The following FAF2 variants were observed in gnomAD, a reference collection of about 807,000 sequenced individuals.
FAF2 encodes FAS-associated factor 2.
A neutral mutation model predicts 62.3 loss-of-function variants in FAF2; 9 were observed. That is an observed-to-expected ratio of 0.14 (90% CI 0.09 to 0.25). The LOEUF (loss-of-function observed/expected upper bound fraction) is 0.25. Among genes scored for constraint, FAF2 ranks in the 10% least tolerant of loss-of-function variants. The pLI is 1.00. For synonymous variants in FAF2, 202 were observed against 198.0 expected, an observed-to-expected ratio of 1.02 and a Z score of -0.17; for missense variants, 368 against 556.2, an observed-to-expected ratio of 0.66 and a Z score of 3.40.
intron 1 of FAF2, among the ~76,000 whole-genome samples, chr5:176,458,639 C>T (rs2335803): frequency 0.5 from 75,634 of 151,410 alleles, 19,008 homozygotes; most frequent in Non-Finnish European, 0.53. Flanking sequence ...CTCCTGACCT[C>T]GTGATCTGCC....
chr5:176,488,848 A>G lies in FAF2; in HGVS notation c.268-103A>G, dbSNP rs957705835. The stretch of plus-strand genomic sequence containing the variant: ...AAGGAACTGTACTTTAGAGGAACAA[A>G]TCACATGGAAGGACCAAAAAGAGTG... On this transcript the variant is annotated intron_variant, in intron 3 of 10. Transcript: ENST00000261942. The G allele has an allele frequency of 3.7e-5, 32 of 869,972 alleles. 1 individual carries two copies. The highest frequency in any genetic ancestry group is 6.1e-5 in the Non-Finnish European group (32 of 527,010). 53.9% of individuals were successfully genotyped at this position (869,972 alleles called of 1,614,324 possible).
At chr5:176,490,371 G>C (rs1234736719) in intron 4 of FAF2, among the ~76,000 whole-genome samples, 1 of 152,012 alleles carries the variant, frequency 6.6e-6, no homozygotes, top group Admixed American at 6.6e-5. Context: ...AGCATGTCAG[G>C]CTTGGGTTAT....
intron 10 of FAF2, among the ~76,000 whole-genome samples, chr5:176,502,462 C>G (rs1214160603): frequency 1.3e-5 from 2 of 152,054 alleles, no homozygotes; most frequent in Non-Finnish European, 2.9e-5. Flanking sequence ...TGCCTGTAAT[C>G]TCAGCGACTT....
Position 176,508,728 on chromosome 5 carries a change from C to T in FAF2, c.*1778C>T, listed in dbSNP as rs2913904. 0.83 allele frequency: 126,470 copies of T among 152,164 alleles called. 52,708 individuals carry two copies. The highest frequency in any genetic ancestry group is 0.91 in the African/African-American group (37,736 of 41,538). 9.4% of individuals were successfully genotyped at this position (152,164 alleles called of 1,614,324 possible). A position where few individuals can be genotyped will look rare whatever the true frequency, so the allele number is the denominator to read the frequency against. ...GATGAGTGGAATCACCATCTGACTGCTGTCAATAAAATGTATCTGGCGTGA... is the reference window on the plus strand; with the variant it reads ...GATGAGTGGAATCACCATCTGACTGTTGTCAATAAAATGTATCTGGCGTGA... On this transcript the variant is annotated 3_prime_UTR_variant, in exon 11 of 11. Coordinates refer to ENST00000261942, the MANE Select transcript of FAF2 (RefSeq NM_014613.3).
At position 176,464,672 on chromosome 5, in the gene FAF2, C is replaced by T. The variant is rs569345917; in HGVS notation, c.64-14516C>T. ...CATGCCCGGCTAATGTTTTTATTTT[C>T]TGTAGAGATGGGTCTCACTGTGTTG... is the stretch of plus-strand genomic sequence containing the variant. On this transcript the variant is annotated intron_variant, in intron 1 of 10. Coordinates refer to ENST00000261942, the MANE Select transcript of FAF2 (RefSeq NM_014613.3). Among the ~76,000 whole-genome samples the T allele has an allele frequency of 1.3e-3, 203 of 151,472 alleles. 1 individual carries two copies. The highest frequency in any genetic ancestry group is 2.3e-3 in the Non-Finnish European group (158 of 67,820).
chr5:176,486,316 G>A, intron 2 of FAF2, 39 bp from the exon 3 acceptor site: 1 of 1,607,844 alleles, frequency 6.2e-7, no homozygotes. Context: ...GTTGATTTGA[G>A]CATCGCTGAA....
chr5:176,495,509 A>G (rs1047664483), intron 7 of FAF2, among the ~76,000 whole-genome samples: 26 of 88,768 alleles, frequency 2.9e-4, no homozygotes, highest in Admixed American at 8.6e-4. Context: ...TTTGGACACC[A>G]ATTTTTTTTT....
At chr5:176,489,125 C>T (rs1447305694) in intron 4 of FAF2, 98 bp downstream of exon 4, 14 of 808,062 alleles carry the variant, frequency 1.7e-5, no homozygotes, top group Non-Finnish European at 2.8e-5. Context: ...GTTGACTTAC[C>T]AATTTGTCAT....
At chr5:176,454,237 A>G (rs1758238451) in intron 1 of FAF2, among the ~76,000 whole-genome samples, 1 of 151,768 alleles carries the variant, frequency 6.6e-6, no homozygotes, top group Admixed American at 6.6e-5. Flanking sequence ...TACTGAAAAT[A>G]TAAAAATTAG....
intron 1 of FAF2, among the ~76,000 whole-genome samples, chr5:176,454,809 C>T (rs1021457293): frequency 2.0e-5 from 3 of 152,050 alleles, no homozygotes; most frequent in South Asian, 2.1e-4. Flanking sequence ...AGCAGATATC[C>T]TCCTTTTCCT....
chr5:176,507,065 T>G lies in FAF2; in HGVS notation c.*115T>G. ...AGAGAGAAATTCATATTATTATTAT[T>G]ATTATAATACAATATTTTTTTTAAA... On this transcript the variant is annotated 3_prime_UTR_variant, in exon 11 of 11. Coordinates refer to ENST00000261942, the MANE Select transcript of FAF2 (RefSeq NM_014613.3). 5.2e-6 allele frequency: 3 copies of G among 574,308 alleles called. No homozygotes were observed. Among genetic ancestry groups the G allele is most frequent in the Non-Finnish European group, 7.5e-6 (3 of 400,166 alleles). The allele number at this position is 574,308 out of a possible 1,614,324, so 35.6% of individuals were successfully genotyped here. A position where few individuals can be genotyped will look rare whatever the true frequency, so the allele number is the denominator to read the frequency against.
intron 1 of FAF2, among the ~76,000 whole-genome samples, chr5:176,474,025 A>G (rs1758619262): frequency 6.6e-6 from 1 of 152,178 alleles, no homozygotes; most frequent in Non-Finnish European, 1.5e-5. Flanking sequence ...GGTATTAGAA[A>G]CCAAGTTCTA....
rs869060412 is a variant in FAF2 at position 176,451,859 on chromosome 5, CATATATATATACACACAT to C, written c.63+3401_63+3418del. Among the ~76,000 whole-genome samples the C allele has an allele frequency of 4.0e-3, 132 of 32,926 alleles. 5 individuals are homozygous for C. The highest frequency in any genetic ancestry group is 0.01 in the East Asian group (15 of 1,486). 21.6% of individuals were successfully genotyped at this position (32,926 alleles called of 152,430 possible). On this transcript the variant is annotated intron_variant, in intron 1 of 10. Transcript: ENST00000261942. ...ATATATATACACACATATATATACA[CATATATATATACACACAT>C]ATATATATATATATATTTTTTTTTT...
chr5:176,450,523 C>A (rs1242725522), intron 1 of FAF2, among the ~76,000 whole-genome samples: 2 of 151,862 alleles, frequency 1.3e-5, no homozygotes, highest in African/African-American at 4.8e-5. Flanking sequence ...AAGTAAAGTG[C>A]ATAGGAACCT....
At chr5:176,498,840 A>G in intron 8 of FAF2, 74 bp from the exon 9 acceptor site, 1 of 1,357,336 alleles carries the variant, frequency 7.4e-7, no homozygotes, top group Non-Finnish European at 9.8e-7. Context: ...CACACACAGA[A>G]GATTTCAATA....
intron 1 of FAF2, among the ~76,000 whole-genome samples, chr5:176,476,118 A>G (rs1437127758): frequency 6.6e-6 from 1 of 152,092 alleles, no homozygotes; most frequent in Non-Finnish European, 1.5e-5. Flanking sequence ...AAATTAGCCA[A>G]GTGTGGTGGC....
At chr5:176,498,100 T>C (rs1353584864) in intron 8 of FAF2, among the ~76,000 whole-genome samples, 1 of 152,124 alleles carries the variant, frequency 6.6e-6, no homozygotes, top group Non-Finnish European at 1.5e-5. Flanking sequence ...ACCACTGCAC[T>C]CTAGCCTGGG....
At chr5:176,472,754 A>T in intron 1 of FAF2, among the ~76,000 whole-genome samples, 1 of 151,756 alleles carries the variant, frequency 6.6e-6, no homozygotes, top group Admixed American at 6.6e-5. Flanking sequence ...AGAAAGAAAA[A>T]AGAAAGAAAG....
intron 1 of FAF2, among the ~76,000 whole-genome samples, chr5:176,478,593 G>A (rs1004041740): frequency 1.3e-5 from 2 of 152,204 alleles, no homozygotes; most frequent in Admixed American, 6.5e-5. Context: ...AAGGCATGAC[G>A]TTTTACAGGA....
Sources: allele counts gnomAD v4.1 joint callset (sites outside exome capture counted in the v4.1 genomes callset), GRCh38; gene constraint gnomAD v4.1.1; transcripts MANE v1.5; gene names NCBI Gene and HGNC (gene_info 2026-07-23, HGNC 2026-07-21).